Variants in NRP2 observed in about 807,000 individuals in gnomAD.
NRP2 encodes neuropilin 2.
NRP2 carries 52 observed loss-of-function variants against 110.4 expected under a neutral mutation model. The ratio of observed to expected loss-of-function variants is 0.47; its 90% CI spans 0.38 to 0.59. The LOEUF is 0.59. Ranked by LOEUF, NRP2 falls within the 20% of genes least tolerant of loss-of-function variation. NRP2 has a pLI of 0.00. For missense variants in NRP2, 1,049 were observed against 1,203.0 expected (o/e 0.87, Z 1.89); for synonymous variants, 508 against 468.9 (o/e 1.08, Z -1.08).
intron 11 of NRP2, chr2:205,752,554 G>A (rs2057665618): frequency 4.4e-6 from 2 of 451,882 alleles, no homozygotes; most frequent in South Asian, 4.2e-5. Flanking sequence ...GAGGTGGACA[G>A]AAGAGGCTGA....
intron 7 of NRP2, among the ~76,000 whole-genome samples, chr2:205,738,040 G>A (rs964631490): frequency 5.9e-5 from 9 of 152,224 alleles, no homozygotes; most frequent in African/African-American, 2.2e-4. Context: ...AGGTCTCTTA[G>A]CGTTGCCTGC....
chr2:205,695,429 G>A (rs1486104349), intron 1 of NRP2, among the ~76,000 whole-genome samples: 5 of 152,180 alleles, frequency 3.3e-5, no homozygotes, highest in African/African-American at 1.2e-4. Flanking sequence ...AACCTGGGGT[G>A]TGGGGAATTG....
chr2:205,750,323 C>T (rs2057621230), intron 11 of NRP2, among the ~76,000 whole-genome samples: 1 of 152,178 alleles, frequency 6.6e-6, no homozygotes, highest in African/African-American at 2.4e-5. Context: ...AATTGTGTTT[C>T]CCTGTGTCTT....
chr2:205,792,294 TG>T lies in NRP2; in HGVS notation c.2476+10del, dbSNP rs749259182. ...TGAAGATGAAATTGATGGTGAGTACTGTTATGATTTAGCAGGTAATCGTAAA... is the reference window on the plus strand; with the variant it reads ...TGAAGATGAAATTGATGGTGAGTACTTTATGATTTAGCAGGTAATCGTAAA... On this transcript the variant is annotated intron_variant, in intron 16 of 16. Transcript: ENST00000357785. 1.3e-5 allele frequency: 20 copies of T among 1,596,524 alleles called. No individual in the cohort carries two copies. Among genetic ancestry groups the T allele is most frequent in the Non-Finnish European group, 1.7e-5 (20 of 1,163,972 alleles).
At chr2:205,729,175 A>G (rs910161916) in intron 7 of NRP2, among the ~76,000 whole-genome samples, 1 of 152,240 alleles carries the variant, frequency 6.6e-6, no homozygotes, top group South Asian at 2.1e-4. Flanking sequence ...TGATGTTGGC[A>G]GTCTCACTTG....
chr2:205,713,611 T>A (rs1575574124), intron 2 of NRP2, among the ~76,000 whole-genome samples: 4 of 152,364 alleles, frequency 2.6e-5, no homozygotes, highest in South Asian at 4.1e-4. Context: ...AACATACTTT[T>A]AAAAAATCTC....
chr2:205,764,137 T>A, intron 13 of NRP2: 1 of 659,350 alleles, frequency 1.5e-6, no homozygotes, highest in Non-Finnish European at 2.5e-6. Flanking sequence ...TTCCTCCTGT[T>A]GCCTTTTATA....
chr2:205,745,914 T>C lies in NRP2; in HGVS notation c.1786+24T>C, dbSNP rs781069446. On this transcript the variant is annotated intron_variant, in intron 10 of 16. Transcript: ENST00000357785. Reference sequence around the variant, plus strand: ...AGGTAAGATGACATTTCCTCCTCTTTGCATCTCACCCACATGGTCCTCTGA... The same window carrying C: ...AGGTAAGATGACATTTCCTCCTCTTCGCATCTCACCCACATGGTCCTCTGA... 1.5e-5 allele frequency: 24 copies of C among 1,613,586 alleles called. No individual in the cohort carries two copies. In the East Asian group the frequency reaches 3.3e-4, roughly 22 times the overall value.
chr2:205,731,069 C>T (rs1186329678), intron 7 of NRP2, among the ~76,000 whole-genome samples: 1 of 152,222 alleles, frequency 6.6e-6, no homozygotes, highest in African/African-American at 2.4e-5. Context: ...ATGCACAGCA[C>T]ATCCCAAATC....
At chr2:205,685,276 G>C (rs1256202232) in intron 1 of NRP2, among the ~76,000 whole-genome samples, 1 of 152,228 alleles carries the variant, frequency 6.6e-6, no homozygotes, top group African/African-American at 2.4e-5. Flanking sequence ...CTCAGGGTGG[G>C]ATTCGAAGCT....
intron 8 of NRP2, 48 bp downstream of exon 8, chr2:205,740,711 C>T (rs754853499): frequency 1.2e-6 from 2 of 1,607,624 alleles, no homozygotes; most frequent in African/African-American, 1.3e-5. Context: ...GAGCCCTAGG[C>T]TCTGCTCCCT....
At chr2:205,770,508 A>G (rs2058004410) in intron 15 of NRP2, among the ~76,000 whole-genome samples, 1 of 151,522 alleles carries the variant, frequency 6.6e-6, no homozygotes, top group Admixed American at 6.6e-5. Flanking sequence ...TCCCATTCCC[A>G]CCCTCACCCT....
intron 12 of NRP2, among the ~76,000 whole-genome samples, chr2:205,758,896 T>A (rs1305989423): frequency 6.6e-6 from 1 of 152,146 alleles, no homozygotes; most frequent in Non-Finnish European, 1.5e-5. Flanking sequence ...ACCTCAAGGT[T>A]CAAGTAAATA....
In NRP2 at chr2:205,749,722, C is replaced by A. The variant is rs2057606737; in HGVS notation, c.1787-3C>A. Reference sequence around the variant, plus strand: ...TCTCTTATCTTCCTTTGCCCTTACACAGACTCCAAGCCCACGGTAGAGACG... The same window carrying A: ...TCTCTTATCTTCCTTTGCCCTTACAAAGACTCCAAGCCCACGGTAGAGACG... On this transcript the variant is annotated splice_polypyrimidine_tract_variant and splice_region_variant and intron_variant, in intron 10 of 16. Transcript: ENST00000357785. The A allele has an allele frequency of 6.2e-7, 1 of 1,612,974 alleles. No individual in the cohort carries two copies. The highest frequency in any genetic ancestry group is 1.1e-5 in the South Asian group (1 of 91,060).
chr2:205,762,665 T>C (rs2105916512), intron 12 of NRP2, among the ~76,000 whole-genome samples: 1 of 152,298 alleles, frequency 6.6e-6, no homozygotes, highest in Admixed American at 6.5e-5. Flanking sequence ...AAGACGCCCC[T>C]ATGTTTCAGG....
intron 8 of NRP2, among the ~76,000 whole-genome samples, chr2:205,742,596 G>T (rs1291942091): frequency 1.3e-5 from 2 of 152,210 alleles, no homozygotes; most frequent in African/African-American, 4.8e-5. Context: ...ATGTGGGAAG[G>T]ATCCAAGGCA....
intron 2 of NRP2, among the ~76,000 whole-genome samples, chr2:205,713,358 ATGTCCCGACCTACTG>A (rs993360991): frequency 3.9e-5 from 6 of 152,254 alleles, no homozygotes; most frequent in African/African-American, 1.4e-4. Context: ...ACTGTTCCAG[ATGTCCCGACCTACTG>A]TGTCTCATTT....
chr2:205,728,574 C>T (rs750076816), intron 7 of NRP2, among the ~76,000 whole-genome samples: 6 of 152,188 alleles, frequency 3.9e-5, no homozygotes, highest in East Asian at 1.9e-4. Context: ...TGCTTAGCGG[C>T]GAGGCATTGA....
At chr2:205,765,697 T>G (rs772614098) in intron 14 of NRP2, 127 bp downstream of exon 14, 4 of 837,736 alleles carry the variant, frequency 4.8e-6, no homozygotes, top group Non-Finnish European at 8.3e-6. Context: ...CCACAGTCTC[T>G]GCAAGGTAAG....
Sources: allele counts gnomAD v4.1 joint callset (sites outside exome capture counted in the v4.1 genomes callset), GRCh38; gene constraint gnomAD v4.1.1; transcripts MANE v1.5; gene names NCBI Gene and HGNC (gene_info 2026-07-23, HGNC 2026-07-21).